FBXO4: variants seen among roughly 807,000 people sequenced by gnomAD.
The protein encoded by FBXO4 is F-box protein 4.
A neutral mutation model predicts 43.7 loss-of-function variants in FBXO4; 36 were observed. That is an observed-to-expected ratio of 0.82 (90% CI 0.63 to 1.09). The LOEUF is 1.09. Ranked by LOEUF, FBXO4 falls within the 50% of genes least tolerant of loss-of-function variation. The pLI is 0.00. For missense variants in FBXO4, 435 were observed against 474.1 expected (o/e 0.92, Z 0.77); for synonymous variants, 180 against 165.6 (o/e 1.09, Z -0.67).
At chr5:41,964,536 G>C in the FBXO4 span, among the ~76,000 whole-genome samples, 3 of 150,440 alleles carry the variant, frequency 2.0e-5, no homozygotes, top group Non-Finnish European at 4.4e-5. Context: ...AAAATTCTTT[G>C]GTGGAAAAGT....
chr5:41,973,449 A>G, the FBXO4 span, among the ~76,000 whole-genome samples: 3 of 152,200 alleles, frequency 2.0e-5, no homozygotes, highest in South Asian at 2.1e-4. Context: ...TGGTGAGGCG[A>G]GAGGATTGCT....
chr5:41,953,208 C>T, the FBXO4 span, among the ~76,000 whole-genome samples: 1 of 150,940 alleles, frequency 6.6e-6, no homozygotes, highest in Non-Finnish European at 1.5e-5. Context: ...CATGTGTTCT[C>T]ATTGTTCAGT....
At chr5:42,026,939 T>C in the FBXO4 span, among the ~76,000 whole-genome samples, 1 of 151,946 alleles carries the variant, frequency 6.6e-6, no homozygotes, top group Non-Finnish European at 1.5e-5. Flanking sequence ...TATTTTTCAA[T>C]TCAGCTTGCT....
Position 41,925,780 on chromosome 5 carries a change from A to G in FBXO4, c.189+282A>G, listed in dbSNP as rs543954425. 5.3e-5 allele frequency among the ~76,000 whole-genome samples: 8 copies of G among 152,274 alleles called. No homozygotes were observed. The South Asian group carries it at 1.7e-3, about 32-fold the overall frequency. ...TCGCCCTCAGGTTTTCCACCCGCCA[A>G]AACAGGCACATGTGACTAGGACACC... On this transcript the variant is annotated intron_variant, in intron 1 of 6. Transcript: ENST00000281623.
rs1752002049 is a variant in FBXO4, at chr5:41,941,400, GACAGCTATA to G, written c.*122_*130del. On this transcript the variant is annotated 3_prime_UTR_variant, in exon 7 of 7. Transcript: ENST00000281623. ...CTTTTTGCAGATAGGCTTTCATTTG[GACAGCTATA>G]ACTGCTGTGTTTTTTATATTATTTT... 2.7e-6 allele frequency: 2 copies of G among 742,856 alleles called. No homozygotes were observed. The highest frequency in any genetic ancestry group is 3.1e-5 in the South Asian group (2 of 64,562). 46.0% of individuals were successfully genotyped at this position (742,856 alleles called of 1,614,324 possible). A position where few individuals can be genotyped will look rare whatever the true frequency, so the allele number is the denominator to read the frequency against.
At chr5:42,016,694 AAAGCTTTATAACAAAG>A in the FBXO4 span, among the ~76,000 whole-genome samples, 1 of 152,096 alleles carries the variant, frequency 6.6e-6, no homozygotes, top group Non-Finnish European at 1.5e-5. Context: ...GAAATTTTAA[AAAGCTTTATAACAAAG>A]AATGTAGTGA....
At chr5:41,951,560 T>C in the FBXO4 span, 1 of 251,700 alleles carries the variant, frequency 4.0e-6, no homozygotes, top group Non-Finnish European at 7.6e-6. Context: ...AGCAACCTGC[T>C]CTTTCTTTTC....
At chr5:41,979,638 G>T in the FBXO4 span, among the ~76,000 whole-genome samples, 1 of 152,160 alleles carries the variant, frequency 6.6e-6, no homozygotes, top group African/African-American at 2.4e-5. Flanking sequence ...TGGCTTTCCT[G>T]AGCCAGTGCA....
the FBXO4 span, among the ~76,000 whole-genome samples, chr5:41,952,918 A>G: frequency 3.3e-5 from 5 of 151,554 alleles, no homozygotes; most frequent in South Asian, 2.1e-4. Flanking sequence ...CCTCTCATTA[A>G]TCATTCTTTC....
At chr5:41,989,095 A>G in the FBXO4 span, among the ~76,000 whole-genome samples, 2 of 152,154 alleles carry the variant, frequency 1.3e-5, no homozygotes, top group East Asian at 3.9e-4. Flanking sequence ...AATATTTAAG[A>G]AAAAAACGGC....
the FBXO4 span, among the ~76,000 whole-genome samples, chr5:41,996,064 AG>A: frequency 6.6e-6 from 1 of 152,172 alleles, no homozygotes; most frequent in Non-Finnish European, 1.5e-5. Context: ...AGCTGATCAC[AG>A]GGAACTCCCC....
At chr5:41,940,357 G>A (rs1751974251) in intron 6 of FBXO4, among the ~76,000 whole-genome samples, 2 of 152,082 alleles carry the variant, frequency 1.3e-5, no homozygotes, top group Non-Finnish European at 2.9e-5. Flanking sequence ...TGCCTCCTGG[G>A]TTCAAGTGAT....
At chr5:42,031,699 T>G in the FBXO4 span, among the ~76,000 whole-genome samples, 2 of 152,042 alleles carry the variant, frequency 1.3e-5, no homozygotes, top group East Asian at 1.9e-4. Flanking sequence ...CTTATTTAGT[T>G]CATTGGTGAG....
chr5:41,961,985 A>T, the FBXO4 span, among the ~76,000 whole-genome samples: 1 of 152,158 alleles, frequency 6.6e-6, no homozygotes, highest in South Asian at 2.1e-4. Context: ...TTTCACCAGC[A>T]ATCTTTTCTA....
chr5:41,962,980 T>G, the FBXO4 span, among the ~76,000 whole-genome samples: 1 of 152,214 alleles, frequency 6.6e-6, no homozygotes, highest in South Asian at 2.1e-4. Flanking sequence ...TGTAACTTTT[T>G]GGATTTTAAG....
chr5:41,937,157 A>T (rs1371457910), intron 5 of FBXO4, among the ~76,000 whole-genome samples: 22 of 152,202 alleles, frequency 1.4e-4, no homozygotes, highest in Non-Finnish European at 1.0e-4. Context: ...AAAGACAACA[A>T]ACCACAGATT....
At chr5:41,936,400 G>A (rs1328010607) in intron 5 of FBXO4, among the ~76,000 whole-genome samples, 1 of 152,090 alleles carries the variant, frequency 6.6e-6, no homozygotes, top group Admixed American at 6.6e-5. Context: ...CAGGCATGGT[G>A]GCACGTGCCT....
chr5:41,928,765 T>C (rs1387708190), intron 2 of FBXO4: 1 of 152,384 alleles, frequency 6.6e-6, no homozygotes, highest in East Asian at 1.9e-4. Context: ...TTTGTGTTTG[T>C]TTTTTCCCCT....
the FBXO4 span, among the ~76,000 whole-genome samples, chr5:42,000,361 C>G: frequency 6.6e-6 from 1 of 152,036 alleles, no homozygotes; most frequent in African/African-American, 2.4e-5. Flanking sequence ...CACATGTACC[C>G]CTTGTATCTA....
Sources: gnomAD v4.1 joint callset for allele counts (sites outside exome capture counted in the v4.1 genomes callset) on GRCh38, gnomAD v4.1.1 for gene constraint, MANE v1.5 for transcripts, NCBI Gene and HGNC (gene_info 2026-07-23, HGNC 2026-07-21) for gene names.